CCDC66: variants seen among roughly 807,000 people sequenced by gnomAD.
CCDC66 encodes the protein coiled-coil domain-containing protein 66.
In CCDC66, 133 loss-of-function variants were observed where a neutral mutation model predicts 128.3. The ratio of observed to expected loss-of-function variants is 1.04; its 90% CI spans 0.90 to 1.20. The LOEUF is 1.20. CCDC66 is among the 50% of genes most tolerant of loss of function. The pLI is 0.00. For synonymous variants in CCDC66, 387 were observed against 357.0 expected (o/e 1.08, Z -0.95); for missense variants, 1,126 against 1,075.5 (o/e 1.05, Z -0.66).
At chr3:56,584,639 C>T (rs1338165144) in intron 7 of CCDC66, among the ~76,000 whole-genome samples, 7 of 151,554 alleles carry the variant, frequency 4.6e-5, no homozygotes, top group Non-Finnish European at 1.5e-5. Flanking sequence ...CTCCTCACAT[C>T]CCAGACGATG....
intron 10 of CCDC66, among the ~76,000 whole-genome samples, chr3:56,601,113 G>A (rs141616125): frequency 0.02 from 2,993 of 152,108 alleles, 135 homozygotes; most frequent in African/African-American, 0.068. Flanking sequence ...TAGGTCTTAC[G>A]TTTAAGTCTT....
At chr3:56,614,310 C>T (rs1340778594) in intron 11 of CCDC66, among the ~76,000 whole-genome samples, 2 of 152,064 alleles carry the variant, frequency 1.3e-5, no homozygotes, top group Non-Finnish European at 2.9e-5. Flanking sequence ...TACCTATGTG[C>T]TTCATTTTTA....
At chr3:56,590,970 A>C (rs552650077) in intron 7 of CCDC66, among the ~76,000 whole-genome samples, 1 of 152,198 alleles carries the variant, frequency 6.6e-6, no homozygotes, top group Non-Finnish European at 1.5e-5. Context: ...TGTGTTATAC[A>C]CAAATATGCC....
At chr3:56,569,395 CA>C in intron 6 of CCDC66, 2 of 287,636 alleles carry the variant, frequency 7.0e-6, no homozygotes, top group East Asian at 9.3e-5. Context: ...CGGTGGAAGG[CA>C]AAGGGGGAGC....
At chr3:56,560,951 C>T (rs1368946343) in intron 3 of CCDC66, 1 of 456,226 alleles carries the variant, frequency 2.2e-6, no homozygotes, top group Admixed American at 2.4e-5. Context: ...GATGGCTTTA[C>T]TTGCAGGTTT....
chr3:56,568,684 T>G (rs2066217263), intron 6 of CCDC66, among the ~76,000 whole-genome samples: 1 of 152,242 alleles, frequency 6.6e-6, no homozygotes, highest in African/African-American at 2.4e-5. Flanking sequence ...TACTAAAAAC[T>G]AATTGATTTC....
chr3:56,583,668 G>A (rs1217765343), intron 7 of CCDC66, among the ~76,000 whole-genome samples: 1 of 151,906 alleles, frequency 6.6e-6, no homozygotes, highest in Non-Finnish European at 1.5e-5. Flanking sequence ...TCTTAGTACA[G>A]AACAAAATGG....
At chr3:56,612,050 G>C (rs1182035705) in intron 10 of CCDC66, among the ~76,000 whole-genome samples, 1 of 152,228 alleles carries the variant, frequency 6.6e-6, no homozygotes, top group Non-Finnish European at 1.5e-5. Flanking sequence ...TCCACATGCT[G>C]CTGTGTCTGG....
chr3:56,561,744 A>T (rs1295492840), intron 3 of CCDC66, among the ~76,000 whole-genome samples: 4 of 151,942 alleles, frequency 2.6e-5, no homozygotes, highest in Admixed American at 2.6e-4. Flanking sequence ...TTTGTTTTTT[A>T]GTTTCCCAAA....
At chr3:56,581,755 T>C (rs148455337) in intron 7 of CCDC66, among the ~76,000 whole-genome samples, 4,123 of 151,926 alleles carry the variant, frequency 0.027, 120 homozygotes, top group African/African-American at 0.064. Flanking sequence ...CAAATGTTGC[T>C]GTCTGATCCT....
chr3:56,585,079 G>A (rs1214364411), intron 7 of CCDC66, among the ~76,000 whole-genome samples: 2 of 147,440 alleles, frequency 1.4e-5, no homozygotes, highest in African/African-American at 2.6e-5. Flanking sequence ...GAGGGAGACA[G>A]TGGAAAGAGA....
At chr3:56,598,686 C>A (rs1217639965) in intron 10 of CCDC66, among the ~76,000 whole-genome samples, 1 of 151,926 alleles carries the variant, frequency 6.6e-6, no homozygotes, top group African/African-American at 2.4e-5. Flanking sequence ...TGGTTTTTGT[C>A]TTTCATTCTG....
intron 10 of CCDC66, among the ~76,000 whole-genome samples, chr3:56,597,012 G>A (rs1164852614): frequency 6.7e-6 from 1 of 149,316 alleles, no homozygotes; most frequent in Non-Finnish European, 1.5e-5. Context: ...CACCTGCCTT[G>A]CCCTCCCAAA....
At chr3:56,577,369 G>C (rs1018880350) in intron 7 of CCDC66, among the ~76,000 whole-genome samples, 1 of 151,764 alleles carries the variant, frequency 6.6e-6, no homozygotes, top group Non-Finnish European at 1.5e-5. Flanking sequence ...CCATTCTGTA[G>C]GTTGCCTGTT....
At chr3:56,584,469 A>T (rs1347111743) in intron 7 of CCDC66, among the ~76,000 whole-genome samples, 1 of 147,944 alleles carries the variant, frequency 6.8e-6, no homozygotes. Flanking sequence ...GCGGCCAGGC[A>T]GAGGTGCTCC....
In CCDC66 at chr3:56,621,645, T is replaced by G. The variant is rs556857491; in HGVS notation, c.*27T>G. 5 of 1,481,264 alleles carry G rather than the reference T, an allele frequency of 3.4e-6. No homozygotes were observed. The South Asian group carries it at 6.0e-5, about 18-fold the overall frequency. The allele number at this position is 1,481,264 out of a possible 1,614,324, so 91.8% of individuals were successfully genotyped here. On this transcript the variant is annotated 3_prime_UTR_variant, in exon 18 of 18. Transcript: ENST00000394672. ...TGTAGAAAATCAAATCCTTCACATT[T>G]GATTTGTGTCTTCCAAATTATAAAA...
rs545943150 is a variant in CCDC66, at chr3:56,609,474, T to A, written c.1405-4115T>A. On this transcript the variant is annotated intron_variant, in intron 10 of 17. Transcript: ENST00000394672. ...TTTTTCCGCTCACATAAACTTAAAG[T>A]TTAGGTGAGTCTCCTAAGAGGGCAG... Among the ~76,000 whole-genome samples, 7 of 152,236 alleles carry A rather than the reference T, an allele frequency of 4.6e-5. No homozygotes were observed. In the South Asian group the frequency reaches 1.2e-3, roughly 27 times the overall value.
At chr3:56,557,368 T>G in intron 1 of CCDC66, 115 bp downstream of exon 1, 1 of 1,371,764 alleles carries the variant, frequency 7.3e-7, no homozygotes, top group South Asian at 1.4e-5. Context: ...GTTCCCAACC[T>G]GCGCCGCCGA....
chr3:56,600,302 C>A (rs976357707), intron 10 of CCDC66, among the ~76,000 whole-genome samples: 5 of 151,746 alleles, frequency 3.3e-5, no homozygotes, highest in African/African-American at 1.2e-4. Flanking sequence ...GTGCCCGCCA[C>A]CGTGCCTGGC....
Sources: gnomAD v4.1 joint callset for allele counts (sites outside exome capture counted in the v4.1 genomes callset) on GRCh38, gnomAD v4.1.1 for gene constraint, MANE v1.5 for transcripts, NCBI Gene and HGNC (gene_info 2026-07-23, HGNC 2026-07-21) for gene names.